Variants in PYGL observed in about 807,000 individuals in gnomAD.
PYGL encodes glycogen phosphorylase L.
A neutral mutation model predicts 100.1 loss-of-function variants in PYGL; 90 were observed. The ratio of observed to expected loss-of-function variants is 0.90; its 90% CI spans 0.76 to 1.07. The LOEUF (loss-of-function observed/expected upper bound fraction) is 1.07. Ranked by LOEUF, PYGL falls within the 50% of genes least tolerant of loss-of-function variation. The pLI is 0.00. For missense variants in PYGL, 1,016 were observed against 1,057.6 expected, an observed-to-expected ratio of 0.96 and a Z score of 0.55; for synonymous variants, 373 against 393.0, an observed-to-expected ratio of 0.95 and a Z score of 0.60.
At position 50,923,881 on chromosome 14, in the gene PYGL, A is replaced by G. The variant is rs1384817412; in HGVS notation, c.660+88T>C. The G allele has an allele frequency of 2.7e-6, 4 of 1,469,268 alleles. No individual in the cohort carries two copies. The African/African-American group carries it at 4.2e-5, about 15-fold the overall frequency. The allele number at this position is 1,469,268 out of a possible 1,614,324, so 91.0% of individuals were successfully genotyped here. On this transcript the variant is annotated intron_variant, in intron 5 of 19. Coordinates refer to ENST00000216392, the MANE Select transcript of PYGL (RefSeq NM_002863.5). ...CAAAACACGACATGCCCTATACTCA[A>G]TATCACCACTATATGCTACATAGTC...
chr14:50,932,651 G>A (rs1382771573), intron 3 of PYGL, among the ~76,000 whole-genome samples: 1 of 152,182 alleles, frequency 6.6e-6, no homozygotes, highest in Non-Finnish European at 1.5e-5. Flanking sequence ...TAGGTTTTCT[G>A]TTATTTAATG....
At chr14:50,930,875 T>G (rs2050595356) in intron 4 of PYGL, among the ~76,000 whole-genome samples, 1 of 152,092 alleles carries the variant, frequency 6.6e-6, no homozygotes, top group African/African-American at 2.4e-5. Flanking sequence ...CACTTAGTAT[T>G]AGCAAAAACT....
At position 50,920,534 on chromosome 14, in the gene PYGL, C is replaced by T; in HGVS notation, c.855+7G>A. The T allele has an allele frequency of 6.2e-7, 1 of 1,605,476 alleles. No individual in the cohort carries two copies. Among genetic ancestry groups the T allele is most frequent in the South Asian group, 1.1e-5 (1 of 90,908 alleles). On this transcript the variant is annotated splice_region_variant and intron_variant, in intron 7 of 19. Coordinates refer to ENST00000216392, the MANE Select transcript of PYGL (RefSeq NM_002863.5). Reference sequence around the variant, plus strand: ...TTGCCACTAAGAAAGCAACCTTGATCACTCACATTGTCATTGGGATAGAGG... The same window carrying T: ...TTGCCACTAAGAAAGCAACCTTGATTACTCACATTGTCATTGGGATAGAGG...
rs887865061 is a variant in PYGL at position 50,928,640 on chromosome 14, A to G, written c.528+3033T>C. ...GGTAAATATAGAATTTTAGCAACAC[A>G]ATTTCAGGGGGTGCACGATGAACAC... On this transcript the variant is annotated intron_variant, in intron 4 of 19. Coordinates refer to ENST00000216392, the MANE Select transcript of PYGL (RefSeq NM_002863.5). 1.6e-4 allele frequency among the ~76,000 whole-genome samples: 22 copies of G among 134,432 alleles called. No homozygotes were observed. The East Asian group carries it at 6.0e-3, about 37-fold the overall frequency. The allele number at this position is 134,432 out of a possible 152,430, so 88.2% of individuals were successfully genotyped here. A position where few individuals can be genotyped will look rare whatever the true frequency, so the allele number is the denominator to read the frequency against.
At chr14:50,933,799 A>G (rs1416619094) in intron 3 of PYGL, among the ~76,000 whole-genome samples, 1 of 152,152 alleles carries the variant, frequency 6.6e-6, no homozygotes, top group Non-Finnish European at 1.5e-5. Flanking sequence ...TGGAATATAT[A>G]TCTTCCAGAT....
chr14:50,923,048 C>G (rs1238044582), intron 5 of PYGL, among the ~76,000 whole-genome samples: 2 of 152,204 alleles, frequency 1.3e-5, no homozygotes, highest in African/African-American at 4.8e-5. Context: ...CATGTGATGA[C>G]TTCAATCTAT....
rs11356035 is a variant in PYGL at position 50,911,872 on chromosome 14, CT to C, written c.1828-2del. Reference sequence around the variant, plus strand: ...TGGCCATGTGATATCCTGGGGCAGCCTTTGGGGAAGAAGGTCAAACGCATTG... The same window carrying C: ...TGGCCATGTGATATCCTGGGGCAGCCTTGGGGAAGAAGGTCAAACGCATTG... On this transcript the variant is annotated splice_acceptor_variant, in intron 15 of 19. Transcript: ENST00000216392. LOFTEE classifies it high-confidence loss of function. 0.38 allele frequency: 612,548 copies of C among 1,613,698 alleles called. 124,966 individuals are homozygous for C. The highest frequency in any genetic ancestry group is 0.66 in the African/African-American group (49,583 of 74,908).
chr14:50,935,449 G>C lies in PYGL; in HGVS notation c.346-264C>G, dbSNP rs374663185. On this transcript the variant is annotated intron_variant, in intron 2 of 19. Coordinates refer to ENST00000216392, the MANE Select transcript of PYGL (RefSeq NM_002863.5). ...TTACTTCTTACATGACCCTGGGCAA[G>C]CTACTAACTCTATGCCTCAATTTTC... Among the ~76,000 whole-genome samples, 6 of 152,198 alleles carry C rather than the reference G, an allele frequency of 3.9e-5. No homozygotes were observed. The East Asian group carries it at 1.2e-3, about 29-fold the overall frequency.
At chr14:50,919,987 A>T (rs1020027894) in intron 7 of PYGL, among the ~76,000 whole-genome samples, 5 of 151,556 alleles carry the variant, frequency 3.3e-5, no homozygotes, top group Non-Finnish European at 7.4e-5. Context: ...CCTGGCCCCA[A>T]GTGTTTTTTT....
intron 8 of PYGL, 91 bp from the exon 9 acceptor site, chr14:50,916,825 C>T (rs2050456043): frequency 1.9e-6 from 3 of 1,540,952 alleles, no homozygotes; most frequent in Non-Finnish European, 2.7e-6. Flanking sequence ...CACTGATATG[C>T]CCACCTTCTA....
At chr14:50,907,034 C>G (rs953257295) in intron 19 of PYGL, among the ~76,000 whole-genome samples, 11 of 152,178 alleles carry the variant, frequency 7.2e-5, no homozygotes, top group Non-Finnish European at 1.5e-4. Context: ...AGCTAGCCCC[C>G]TCCAGTATCC....
Position 50,914,749 on chromosome 14 carries a change from C to T in PYGL, c.1470G>A (p.Arg490=). 2 of 1,614,072 alleles carry T rather than the reference C, an allele frequency of 1.2e-6. No individual in the cohort carries two copies. The highest frequency in any genetic ancestry group is 1.7e-6 in the Non-Finnish European group (2 of 1,179,964). Residue 490 remains arginine, a synonymous_variant, in exon 12 of 20, where the codon AGG becomes AGA. Coordinates refer to ENST00000216392, the MANE Select transcript of PYGL (RefSeq NM_002863.5). ...FQNKTNGITP[R]RWLLLCNPGL... ...CTGGGTTGCAGAGTAGGAGCCAGCGCCTTGGAGTGATCCCATTGGTTTTAT... is the reference window on the plus strand; with the variant it reads ...CTGGGTTGCAGAGTAGGAGCCAGCGTCTTGGAGTGATCCCATTGGTTTTAT...
At chr14:50,930,731 C>A (rs1310051246) in intron 4 of PYGL, among the ~76,000 whole-genome samples, 1 of 152,114 alleles carries the variant, frequency 6.6e-6, no homozygotes, top group East Asian at 1.9e-4. Flanking sequence ...AGTCCCTGAG[C>A]GTTCTCTTGT....
Position 50,924,049 on chromosome 14 carries a change from G to A in PYGL, c.580C>T (p.Arg194Cys), listed in dbSNP as rs1392772806. Residue 194 changes from arginine (R) to cysteine (C), a missense_variant, in exon 5 of 20, where the codon CGC (arginine) becomes TGC (cysteine). Physicochemically the swap from Arg to Cys is radical, Grantham distance 180 (BLOSUM62 -3). Coordinates refer to ENST00000216392, the MANE Select transcript of PYGL (RefSeq NM_002863.5). ...TGCACAGGCAGCATGAATTCTGGGC[G>A]GGACTTCTCCCAAGGGTTTCCATAT... ...LRYGNPWEKS[R>C]PEFMLPVHFY... 8.1e-6 allele frequency: 13 copies of A among 1,613,462 alleles called. No homozygotes were observed. The highest frequency in any genetic ancestry group is 7.7e-5 in the South Asian group (7 of 91,080).
rs1238952276 is a variant in PYGL at position 50,915,831 on chromosome 14, A to T, written c.1233T>A (p.His411Gln). 13 of 1,614,008 alleles carry T rather than the reference A, an allele frequency of 8.1e-6. No homozygotes were observed. The highest frequency in any genetic ancestry group is 1.3e-5 in the African/African-American group (1 of 75,076). Reference sequence around the variant, plus strand: ...ATCTCTCAAAATGACTTACATCTAAATGCTTCTGATTTATCTCATAAATGA... The same window carrying T: ...ATCTCTCAAAATGACTTACATCTAATTGCTTCTGATTTATCTCATAAATGA... ...LEIIYEINQKHLDRIVALFPK... is the reference protein window; with the variant it reads ...LEIIYEINQKQLDRIVALFPK... The change falls in exon 10 of 20, where the codon CAT (histidine) becomes CAA (glutamine). Residue 411 changes from histidine (H) to glutamine (Q), a missense_variant. Coordinates refer to ENST00000216392, the MANE Select transcript of PYGL (RefSeq NM_002863.5).
At position 50,935,190 on chromosome 14, in the gene PYGL, T is replaced by C. The variant is rs1324711310; in HGVS notation, c.346-5A>G. 3.1e-6 allele frequency: 5 copies of C among 1,604,928 alleles called. No homozygotes were observed. The highest frequency in any genetic ancestry group is 1.7e-5 in the Admixed American group (1 of 59,980). On this transcript the variant is annotated splice_polypyrimidine_tract_variant and splice_region_variant and intron_variant, in intron 2 of 19. Transcript: ENST00000216392. ...CTCTTCTATATCCAATCCAAGCTGGTAATGAAAGGAAAACAATATTGGAAG... is the reference window on the plus strand; with the variant it reads ...CTCTTCTATATCCAATCCAAGCTGGCAATGAAAGGAAAACAATATTGGAAG...
chr14:50,915,095 T>G, intron 11 of PYGL: 1 of 610,442 alleles, frequency 1.6e-6, no homozygotes, highest in Non-Finnish European at 2.8e-6. Flanking sequence ...TTTTGGTATT[T>G]TGTTTGTTTG....
intron 1 of PYGL, 25 bp downstream of exon 1, chr14:50,944,136 G>T (rs1305917001): frequency 5.7e-6 from 9 of 1,585,764 alleles, no homozygotes; most frequent in Admixed American, 3.5e-5. Context: ...GCTGGACCCC[G>T]GCCCGCCGTC....
chr14:50,909,118 C>T (rs970065440), intron 17 of PYGL, among the ~76,000 whole-genome samples, 163 bp from the exon 18 acceptor site: 1 of 152,166 alleles, frequency 6.6e-6, no homozygotes, highest in African/African-American at 2.4e-5. Context: ...TAACTTTTAA[C>T]TAGATCTGTA....
Sources: gnomAD v4.1 joint callset for allele counts (sites outside exome capture counted in the v4.1 genomes callset) on GRCh38, gnomAD v4.1.1 for gene constraint, MANE v1.5 for transcripts, NCBI Gene and HGNC (gene_info 2026-07-23, HGNC 2026-07-21) for gene names.